Variants in RBFOX1 observed in about 807,000 individuals in gnomAD.
RBFOX1 encodes RNA binding fox-1 homolog 1.
Under a neutral mutation model 57.7 loss-of-function variants are expected in RBFOX1, and 8 were observed. The ratio of observed to expected loss-of-function variants is 0.14; its 90% CI spans 0.08 to 0.25. RBFOX1 has a LOEUF of 0.25. Among genes scored for constraint, RBFOX1 ranks in the 10% least tolerant of loss-of-function variants. RBFOX1 has a pLI of 1.00. For missense variants in RBFOX1, 611 were observed against 548.5 expected, an observed-to-expected ratio of 1.11 and a Z score of -1.14; for synonymous variants, 326 against 222.4, an observed-to-expected ratio of 1.47 and a Z score of -4.15.
chr16:5,454,846 T>A (rs2068540550), intron 1 of RBFOX1, among the ~76,000 whole-genome samples: 1 of 134,250 alleles, frequency 7.4e-6, no homozygotes, highest in Non-Finnish European at 1.6e-5. Flanking sequence ...CTTTCCTTTC[T>A]TTCTTTCTTT....
intron 1 of RBFOX1, among the ~76,000 whole-genome samples, chr16:5,421,338 G>C (rs546819505): frequency 6.6e-6 from 1 of 152,280 alleles, no homozygotes; most frequent in South Asian, 2.1e-4. Context: ...TGAAAGAATG[G>C]GATTCTGTGA....
intron 4 of RBFOX1, among the ~76,000 whole-genome samples, chr16:7,356,835 C>G (rs553603130): frequency 6.6e-6 from 1 of 152,196 alleles, no homozygotes; most frequent in Non-Finnish European, 1.5e-5. Context: ...AGTGGACTTA[C>G]TATTATGCGT....
chr16:7,156,439 A>G (rs981358168), intron 4 of RBFOX1, among the ~76,000 whole-genome samples: 2 of 152,100 alleles, frequency 1.3e-5, no homozygotes, highest in Non-Finnish European at 1.5e-5. Flanking sequence ...ACACATGTAG[A>G]TATGCATATA....
intron 1 of RBFOX1, among the ~76,000 whole-genome samples, chr16:5,442,309 G>T (rs2068109120): frequency 6.6e-6 from 1 of 152,224 alleles, no homozygotes; most frequent in African/African-American, 2.4e-5. Flanking sequence ...TTCATGCGGA[G>T]CTGCAGAGGG....
chr16:5,743,901 C>T (rs1004397810), intron 3 of RBFOX1, among the ~76,000 whole-genome samples: 3 of 152,108 alleles, frequency 2.0e-5, no homozygotes, highest in Admixed American at 1.3e-4. Context: ...TGATGTCATA[C>T]GGAAGGTCTC....
intron 2 of RBFOX1, among the ~76,000 whole-genome samples, chr16:6,560,097 C>G (rs1347101486): frequency 6.7e-6 from 1 of 150,156 alleles, no homozygotes; most frequent in Non-Finnish European, 1.5e-5. Flanking sequence ...ATATAACCAT[C>G]TGTATCACAT....
At chr16:5,488,097 G>A (rs570789526) in intron 2 of RBFOX1, among the ~76,000 whole-genome samples, 1 of 148,554 alleles carries the variant, frequency 6.7e-6, no homozygotes, top group South Asian at 2.1e-4. Flanking sequence ...TGGTGATGAT[G>A]GTGATGGTGG....
At position 6,892,775 on chromosome 16, in the gene RBFOX1, C is replaced by CCTCTCTCTCTCTCTCT. The variant is rs750285832; in HGVS notation, c.-15-159245_-15-159230dup. On this transcript the variant is annotated intron_variant, in intron 3 of 15. Coordinates refer to ENST00000550418, the MANE Select transcript of RBFOX1 (RefSeq NM_018723.4). ...CATATTCTCAAAGCCTCCCTGTCTCCCTCTCTCTCTCTCTCTCTCTCTCTC... is the reference window on the plus strand; with the variant it reads ...CATATTCTCAAAGCCTCCCTGTCTCCCTCTCTCTCTCTCTCTCTCTCTCTCTCTCTCTCTCTCTCTC... Among the ~76,000 whole-genome samples, 55 of 84,672 alleles carry CCTCTCTCTCTCTCTCT rather than the reference C, an allele frequency of 6.5e-4. 2 individuals are homozygous for CCTCTCTCTCTCTCTCT. Among genetic ancestry groups the CCTCTCTCTCTCTCTCT allele is most frequent in the African/African-American group, 1.8e-3 (35 of 19,608 alleles). The allele number at this position is 84,672 out of a possible 152,430, so 55.5% of individuals were successfully genotyped here.
At chr16:6,052,340 G>C (rs1034059490) in intron 1 of RBFOX1, among the ~76,000 whole-genome samples, 6 of 152,176 alleles carry the variant, frequency 3.9e-5, no homozygotes, top group African/African-American at 1.4e-4. Context: ...TTATGCCAAG[G>C]CTCTCTTCAG....
chr16:6,466,521 C>T (rs766033051), intron 2 of RBFOX1, among the ~76,000 whole-genome samples: 1 of 152,122 alleles, frequency 6.6e-6, no homozygotes, highest in Non-Finnish European at 1.5e-5. Flanking sequence ...AGAATTCAAC[C>T]TTAGATATGT....
chr16:6,260,505 C>T (rs1760385327), intron 1 of RBFOX1, among the ~76,000 whole-genome samples: 1 of 152,056 alleles, frequency 6.6e-6, no homozygotes, highest in South Asian at 2.1e-4. Context: ...GAGAAATCAG[C>T]CCATAGGTTT....
At chr16:6,541,882 T>C (rs1251960104) in intron 2 of RBFOX1, among the ~76,000 whole-genome samples, 1 of 152,128 alleles carries the variant, frequency 6.6e-6, no homozygotes, top group Non-Finnish European at 1.5e-5. Flanking sequence ...CCAAAGAGTT[T>C]ACATCAGGCT....
chr16:7,192,690 A>G (rs1319250550), intron 4 of RBFOX1, among the ~76,000 whole-genome samples: 1 of 152,180 alleles, frequency 6.6e-6, no homozygotes, highest in Non-Finnish European at 1.5e-5. Context: ...TCATTGTATT[A>G]TGATTAAGTA....
intron 3 of RBFOX1, among the ~76,000 whole-genome samples, chr16:5,812,170 A>C (rs1567572915): frequency 6.6e-6 from 1 of 152,162 alleles, no homozygotes; most frequent in Middle Eastern, 3.2e-3. Flanking sequence ...TAGTGACTAC[A>C]TTGTGTTTAT....
At chr16:7,634,340 T>G (rs1333953262) in intron 11 of RBFOX1, among the ~76,000 whole-genome samples, 1 of 152,152 alleles carries the variant, frequency 6.6e-6, no homozygotes, top group Non-Finnish European at 1.5e-5. Context: ...CGTTTTTGTT[T>G]TTTTGCGTTT....
rs2096253917 is a variant in RBFOX1 at position 6,097,080 on chromosome 16, G to A, written c.-127+77088G>A. Among the ~76,000 whole-genome samples the A allele has an allele frequency of 6.6e-6, 1 of 152,074 alleles. No homozygotes were observed. The highest frequency in any genetic ancestry group is 6.5e-5 in the Admixed American group (1 of 15,268). On this transcript the variant is annotated intron_variant, in intron 1 of 15. Coordinates refer to ENST00000550418, the MANE Select transcript of RBFOX1 (RefSeq NM_018723.4). The surrounding 1 kb of genome is among the most constrained non-coding windows in gnomAD (Gnocchi z 5.0). ...TGGTTTCCCCCATACTGTTGTCATG[G>A]TGGTGAGTAAGTCTTACTAGATCTG...
chr16:6,978,937 C>A (rs1312641571), intron 3 of RBFOX1, among the ~76,000 whole-genome samples: 2 of 152,182 alleles, frequency 1.3e-5, no homozygotes, highest in African/African-American at 4.8e-5. Flanking sequence ...GGGACCACAC[C>A]CATCTTGGTG....
At chr16:5,411,783 T>C (rs931075797) in intron 1 of RBFOX1, among the ~76,000 whole-genome samples, 2 of 151,416 alleles carry the variant, frequency 1.3e-5, no homozygotes, top group Non-Finnish European at 2.9e-5. Flanking sequence ...CTCTGGAGGC[T>C]GAGGTGGGAG....
chr16:6,760,411 C>G (rs985674749), intron 3 of RBFOX1, among the ~76,000 whole-genome samples: 2 of 152,100 alleles, frequency 1.3e-5, no homozygotes, highest in African/African-American at 4.8e-5. Context: ...TTAACTCTTG[C>G]TCTTACAAGA....
Sources: gnomAD v4.1 joint callset for allele counts (sites outside exome capture counted in the v4.1 genomes callset) on GRCh38, gnomAD v4.1.1 for gene constraint, Gnocchi (gnomAD v3.1) non-coding constraint, MANE v1.5 for transcripts, NCBI Gene and HGNC (gene_info 2026-07-23, HGNC 2026-07-21) for gene names.